The following FBXL20 variants were observed in gnomAD, a reference collection of about 807,000 sequenced individuals.
The protein encoded by FBXL20 is F-box and leucine rich repeat protein 20, also known as F-box/LRR-repeat protein 20.
Under a neutral mutation model 64.0 loss-of-function variants are expected in FBXL20, and 11 were observed. The ratio of observed to expected loss-of-function variants is 0.17; its 90% CI spans 0.11 to 0.28. The LOEUF (loss-of-function observed/expected upper bound fraction) is 0.28, where lower values mean the gene tolerates loss of function less well. Ranked by LOEUF, FBXL20 falls within the 10% of genes least tolerant of loss-of-function variation. FBXL20 has a pLI of 1.00. For missense variants in FBXL20, 303 were observed against 526.2 expected (o/e 0.58, Z 4.15); for synonymous variants, 184 against 189.0 (o/e 0.97, Z 0.22).
intron 1 of FBXL20, among the ~76,000 whole-genome samples, chr17:39,391,545 C>T (rs184702013): frequency 5.7e-4 from 86 of 150,096 alleles, no homozygotes; most frequent in African/African-American, 2.0e-3. Context: ...ATAATACACA[C>T]AAAAAAAAAC....
intron 2 of FBXL20, among the ~76,000 whole-genome samples, chr17:39,308,526 A>G (rs946760925): frequency 6.6e-6 from 1 of 151,728 alleles, no homozygotes; most frequent in African/African-American, 2.4e-5. Context: ...TTTCTATTAG[A>G]ATGGTGGGAA....
chr17:39,303,711 G>GA, intron 2 of FBXL20, 72 bp from the exon 3 acceptor site: 1 of 1,356,322 alleles, frequency 7.4e-7, no homozygotes, highest in Non-Finnish European at 1.0e-6. Context: ...TTTTGAGACA[G>GA]GGTCTCACTC....
intron 2 of FBXL20, among the ~76,000 whole-genome samples, chr17:39,338,987 T>C (rs147369751): frequency 7.0e-4 from 107 of 152,038 alleles, no homozygotes; most frequent in African/African-American, 2.5e-3. Flanking sequence ...GCCAACATCG[T>C]GAATCCCTGT....
chr17:39,269,499 CTTTTT>C (rs1024012415), intron 11 of FBXL20, among the ~76,000 whole-genome samples: 3 of 116,746 alleles, frequency 2.6e-5, no homozygotes, highest in South Asian at 2.7e-4. Flanking sequence ...GGCCTTTCCT[CTTTTT>C]TTTTTTTTTT....
At chr17:39,276,221 G>GAAAAAAAAAAAAAAA (rs1215336803) in intron 9 of FBXL20, among the ~76,000 whole-genome samples, 1 of 60,570 alleles carries the variant, frequency 1.7e-5, no homozygotes, top group Non-Finnish European at 3.1e-5. Flanking sequence ...AGCAAGAAAA[G>GAAAAAAAAAAAAAAA]AAAAAAAAAA....
intron 1 of FBXL20, among the ~76,000 whole-genome samples, chr17:39,370,556 G>C (rs2047906899): frequency 6.6e-6 from 1 of 151,606 alleles, no homozygotes; most frequent in Admixed American, 6.6e-5. Flanking sequence ...GGAGGCCGAG[G>C]CGGGCGGATC....
chr17:39,391,546 A>AC (rs983245004), intron 1 of FBXL20, among the ~76,000 whole-genome samples: 14 of 147,638 alleles, frequency 9.5e-5, no homozygotes, highest in African/African-American at 3.7e-4. Context: ...TAATACACAC[A>AC]AAAAAAAACA....
chr17:39,333,883 G>A (rs2047491681), intron 2 of FBXL20, among the ~76,000 whole-genome samples: 1 of 151,880 alleles, frequency 6.6e-6, no homozygotes, highest in African/African-American at 2.4e-5. Flanking sequence ...TGCCCCGTCT[G>A]AGAAGTGAGG....
chr17:39,268,499 C>A (rs1426216146), intron 12 of FBXL20, among the ~76,000 whole-genome samples: 1 of 152,096 alleles, frequency 6.6e-6, no homozygotes, highest in Non-Finnish European at 1.5e-5. Flanking sequence ...AAAGGCAGTG[C>A]TATATAGATC....
chr17:39,389,422 CG>C (rs2048114606), intron 1 of FBXL20, among the ~76,000 whole-genome samples: 1 of 151,828 alleles, frequency 6.6e-6, no homozygotes, highest in African/African-American at 2.4e-5. Context: ...CTGATAAGGA[CG>C]AATGTCGGGA....
intron 8 of FBXL20, 126 bp from the exon 9 acceptor site, chr17:39,281,589 T>C (rs1747504905): frequency 1.5e-6 from 1 of 668,668 alleles, no homozygotes; most frequent in Non-Finnish European, 2.6e-6. Context: ...GAACAATGAA[T>C]CAGAAAATAC....
intron 4 of FBXL20, among the ~76,000 whole-genome samples, chr17:39,299,516 C>T (rs1271773338): frequency 3.3e-5 from 5 of 152,024 alleles, no homozygotes; most frequent in Non-Finnish European, 7.4e-5. Flanking sequence ...GCACGGTGGC[C>T]CACGCCTGTA....
chr17:39,283,571 C>T (rs1313720372), intron 7 of FBXL20, among the ~76,000 whole-genome samples: 2 of 152,086 alleles, frequency 1.3e-5, no homozygotes, highest in Non-Finnish European at 2.9e-5. Flanking sequence ...AAGTAGCACC[C>T]AGCTGCATTT....
At chr17:39,390,726 CAAACAAAAACT>C in intron 1 of FBXL20, among the ~76,000 whole-genome samples, 1 of 152,062 alleles carries the variant, frequency 6.6e-6, no homozygotes, top group African/African-American at 2.4e-5. Flanking sequence ...GACCCTGTCT[CAAACAAAAACT>C]GAGTCAGATA....
chr17:39,382,375 G>A (rs1204359359), intron 1 of FBXL20, among the ~76,000 whole-genome samples: 1 of 150,642 alleles, frequency 6.6e-6, no homozygotes, highest in African/African-American at 2.4e-5. Flanking sequence ...CCCAGGAGGT[G>A]GAGGTTGCAG....
intron 1 of FBXL20, among the ~76,000 whole-genome samples, chr17:39,392,932 C>T (rs2048148231): frequency 6.6e-6 from 1 of 150,666 alleles, no homozygotes; most frequent in Non-Finnish European, 1.5e-5. Context: ...ACCCAGGAGG[C>T]GGAGGAGCCG....
chr17:39,380,872 C>G (rs775040892), intron 1 of FBXL20, among the ~76,000 whole-genome samples: 3 of 152,082 alleles, frequency 2.0e-5, no homozygotes, highest in Non-Finnish European at 4.4e-5. Flanking sequence ...AGAAATAAAA[C>G]TAGCAGGCCG....
intron 1 of FBXL20, among the ~76,000 whole-genome samples, chr17:39,400,178 G>C (rs9904919): frequency 0.39 from 59,653 of 152,020 alleles, 15,337 homozygotes; most frequent in African/African-American, 0.73. Flanking sequence ...CTCCACTCCT[G>C]AAGTGCAACA....
intron 10 of FBXL20, among the ~76,000 whole-genome samples, chr17:39,271,491 G>A (rs562289247): frequency 8.9e-5 from 13 of 146,520 alleles, no homozygotes; most frequent in Non-Finnish European, 1.2e-4. Flanking sequence ...CCGGCTACTC[G>A]GGAGGCTGAG....
Sources: allele counts gnomAD v4.1 joint callset (sites outside exome capture counted in the v4.1 genomes callset), GRCh38; gene constraint gnomAD v4.1.1; transcripts MANE v1.5; gene names NCBI Gene and HGNC (gene_info 2026-07-23, HGNC 2026-07-21).